The following SMC5 variants were observed in gnomAD, a reference collection of about 807,000 sequenced individuals.
SMC5 encodes the protein structural maintenance of chromosomes protein 5.
Under a neutral mutation model 148.3 loss-of-function variants are expected in SMC5, and 88 were observed. The observed-to-expected ratio is 0.59, with a 90% CI of 0.50 to 0.71. The LOEUF (loss-of-function observed/expected upper bound fraction) is 0.71. SMC5 is among the 30% of genes least tolerant of loss of function. The pLI is 0.00. For synonymous variants in SMC5, 421 were observed against 432.8 expected (o/e 0.97, Z 0.34); for missense variants, 1,142 against 1,298.9 (o/e 0.88, Z 1.86).
At chr9:70,300,293 T>C in intron 10 of SMC5, 93 bp downstream of exon 10, 1 of 1,166,274 alleles carries the variant, frequency 8.6e-7, no homozygotes, top group Admixed American at 3.0e-5. Context: ...ATTACCCTGG[T>C]TTTACATTAT....
intron 1 of SMC5, among the ~76,000 whole-genome samples, chr9:70,260,588 A>G (rs1240351765): frequency 6.6e-6 from 1 of 152,144 alleles, no homozygotes; most frequent in Non-Finnish European, 1.5e-5. Context: ...TATTTTGCCC[A>G]GTTTTACGCA....
At chr9:70,347,874 T>G in intron 21 of SMC5, 45 bp from the exon 22 acceptor site, 1 of 1,534,670 alleles carries the variant, frequency 6.5e-7, no homozygotes, top group Non-Finnish European at 8.8e-7. Context: ...CAGAATATAG[T>G]AATACTGCTT....
chr9:70,280,663 G>T, intron 5 of SMC5, 96 bp from the exon 6 acceptor site: 1 of 1,155,506 alleles, frequency 8.7e-7, no homozygotes, highest in East Asian at 2.4e-5. Flanking sequence ...ATTCTTTATT[G>T]TGAAATTTTG....
At chr9:70,275,355 A>G (rs1254891576) in intron 3 of SMC5, among the ~76,000 whole-genome samples, 1 of 151,864 alleles carries the variant, frequency 6.6e-6, no homozygotes, top group African/African-American at 2.4e-5. Context: ...CACCAGGCCC[A>G]GCTTTTTAAA....
intron 12 of SMC5, 75 bp from the exon 13 acceptor site, chr9:70,315,371 T>A: frequency 2.1e-6 from 2 of 959,890 alleles, no homozygotes; most frequent in Non-Finnish European, 3.0e-6. Flanking sequence ...TATTGTTTAT[T>A]GGTGGCTTAT....
chr9:70,290,810 TCTGA>T (rs1468620603), intron 8 of SMC5, among the ~76,000 whole-genome samples: 1 of 152,184 alleles, frequency 6.6e-6, no homozygotes, highest in African/African-American at 2.4e-5. Context: ...CTTAACCAAA[TCTGA>T]CTGAGTTTCA....
chr9:70,308,658 C>T (rs2035573918), intron 11 of SMC5, among the ~76,000 whole-genome samples: 1 of 150,852 alleles, frequency 6.6e-6, no homozygotes, highest in East Asian at 2.0e-4. Flanking sequence ...TCCTCTATCC[C>T]ACCGTGCCTC....
At chr9:70,317,039 A>G (rs1286810764) in intron 13 of SMC5, among the ~76,000 whole-genome samples, 1 of 152,124 alleles carries the variant, frequency 6.6e-6, no homozygotes, top group African/African-American at 2.4e-5. Context: ...ATGATGATAT[A>G]CTTTTCAGAC....
chr9:70,302,494 G>GA (rs59742059), intron 10 of SMC5, among the ~76,000 whole-genome samples: 5,841 of 142,644 alleles, frequency 0.041, 123 homozygotes, highest in South Asian at 0.055. Context: ...TCCGTCTCAA[G>GA]AAAAAAAAAT....
chr9:70,320,438 G>T (rs2035913776), intron 15 of SMC5, among the ~76,000 whole-genome samples: 1 of 151,996 alleles, frequency 6.6e-6, no homozygotes, highest in South Asian at 2.1e-4. Flanking sequence ...TATTCAGGGG[G>T]ACAAAAATGG....
chr9:70,300,270 T>C, intron 10 of SMC5, 70 bp downstream of exon 10: 7 of 1,411,722 alleles, frequency 5.0e-6, no homozygotes, highest in Non-Finnish European at 6.7e-6. Flanking sequence ...TTTTAAGACA[T>C]TTTAGTCCCA....
At chr9:70,266,906 G>A (rs1284840553) in intron 2 of SMC5, among the ~76,000 whole-genome samples, 1 of 152,156 alleles carries the variant, frequency 6.6e-6, no homozygotes, top group African/African-American at 2.4e-5. Context: ...AGGAAACAGA[G>A]AGGTTAAGTA....
At chr9:70,329,871 A>G (rs948142675) in intron 17 of SMC5, among the ~76,000 whole-genome samples, 7 of 152,242 alleles carry the variant, frequency 4.6e-5, no homozygotes, top group East Asian at 3.8e-4. Flanking sequence ...TACAAGGTGC[A>G]TGGCTGGGAG....
At chr9:70,306,565 T>C (rs778776795) in intron 11 of SMC5, among the ~76,000 whole-genome samples, 10 of 152,228 alleles carry the variant, frequency 6.6e-5, no homozygotes, top group Admixed American at 2.0e-4. Context: ...GTTGCTTGGG[T>C]TGCACGTCTT....
chr9:70,283,626 C>T (rs2034816006), intron 7 of SMC5, among the ~76,000 whole-genome samples: 1 of 152,054 alleles, frequency 6.6e-6, no homozygotes, highest in African/African-American at 2.4e-5. Flanking sequence ...CATTCACAAC[C>T]TTTGTGTACT....
chr9:70,267,417 C>G (rs1467230433), intron 2 of SMC5, among the ~76,000 whole-genome samples: 1 of 152,046 alleles, frequency 6.6e-6, no homozygotes, highest in Non-Finnish European at 1.5e-5. Context: ...TAGAACGATG[C>G]TTGGTGGCAA....
intron 5 of SMC5, among the ~76,000 whole-genome samples, chr9:70,279,281 T>G (rs570009308): frequency 1.3e-5 from 2 of 152,018 alleles, no homozygotes; most frequent in African/African-American, 4.8e-5. Context: ...TTTGTGAGAC[T>G]GATTCGGGAG....
intron 11 of SMC5, among the ~76,000 whole-genome samples, chr9:70,309,556 T>G (rs1486161794): frequency 6.6e-6 from 1 of 152,082 alleles, no homozygotes; most frequent in Non-Finnish European, 1.5e-5. Flanking sequence ...CCCAGCATCT[T>G]CACCAGGAGT....
intron 2 of SMC5, among the ~76,000 whole-genome samples, chr9:70,266,969 A>G (rs1468643151): frequency 1.3e-5 from 2 of 151,804 alleles, no homozygotes; most frequent in African/African-American, 4.8e-5. Flanking sequence ...TTGAACCTAG[A>G]TAGTAGATGT....
Sources: gnomAD v4.1 joint callset for allele counts (sites outside exome capture counted in the v4.1 genomes callset) on GRCh38, gnomAD v4.1.1 for gene constraint, MANE v1.5 for transcripts, NCBI Gene and HGNC (gene_info 2026-07-23, HGNC 2026-07-21) for gene names.